YLPM1: variants seen among roughly 807,000 people sequenced by gnomAD.
The protein encoded by YLPM1 is YLP motif-containing protein 1.
A neutral mutation model predicts 230.0 loss-of-function variants in YLPM1; 99 were observed. The observed-to-expected ratio is 0.43, with a 90% CI of 0.37 to 0.51. The LOEUF (loss-of-function observed/expected upper bound fraction) is 0.51. YLPM1 is among the 20% of genes least tolerant of loss of function. YLPM1 has a pLI of 0.00. For missense variants in YLPM1, 2,592 were observed against 2,707.7 expected, an observed-to-expected ratio of 0.96 and a Z score of 0.95; for synonymous variants, 984 against 942.5, an observed-to-expected ratio of 1.04 and a Z score of -0.81.
intron 19 of YLPM1, among the ~76,000 whole-genome samples, chr14:74,830,186 A>G (rs1179087296): frequency 6.6e-6 from 1 of 152,224 alleles, no homozygotes; most frequent in East Asian, 1.9e-4. Context: ...GTTTGTCATC[A>G]GTCTACAGTG....
At position 74,781,710 on chromosome 14, in the gene YLPM1, C is replaced by A; in HGVS notation, c.1667C>A (p.Pro556Gln). 1 of 1,612,834 alleles carries A rather than the reference C, an allele frequency of 6.2e-7. No individual in the cohort carries two copies. Among genetic ancestry groups the A allele is most frequent in the African/African-American group, 1.3e-5 (1 of 74,586 alleles). The change falls in exon 4 of 21, where the codon CCA (proline) becomes CAA (glutamine). Residue 556 changes from proline to glutamine, a missense_variant. Physicochemically the swap from Pro to Gln is moderately conservative, Grantham distance 76. This residue lies in a region of YLPM1 where 1,862 missense variants were observed against 1,819.8 expected (regional missense o/e 1.02). Coordinates refer to ENST00000325680, the MANE Select transcript of YLPM1 (RefSeq NM_019589.3). Reference protein sequence around the residue: ...VMPPALPATVPPPGMPPPVMP... With the variant: ...VMPPALPATVQPPGMPPPVMP... ...CCCCCTGCCCTCCCTGCTACAGTGC[C>A]ACCACCTGGCATGCCCCCACCTGTT... is the stretch of plus-strand genomic sequence containing the variant.
rs781095594 is a variant in YLPM1 at position 74,799,051 on chromosome 14, C to G, written c.3754C>G (p.Pro1252Ala). 1 of 1,613,952 alleles carries G rather than the reference C, an allele frequency of 6.2e-7. No homozygotes were observed. Among genetic ancestry groups the G allele is most frequent in the Non-Finnish European group, 8.5e-7 (1 of 1,179,876 alleles). Reference sequence around the variant, plus strand: ...CAGAGAGGACAGGTTCTCAGCACCACCATCTCGGTCTCATGATGGAGATAG... The same window carrying G: ...CAGAGAGGACAGGTTCTCAGCACCAGCATCTCGGTCTCATGATGGAGATAG... ...YNREDRFSAP[P>A]SRSHDGDRRG... Residue 1252 changes from proline to alanine, a missense_variant, in exon 5 of 21, where the codon CCA becomes GCA. This residue lies in a region of YLPM1 where 1,862 missense variants were observed against 1,819.8 expected (regional missense o/e 1.02). Transcript: ENST00000325680.
chr14:74,798,230 C>T lies in YLPM1; in HGVS notation c.2933C>T (p.Ala978Val), dbSNP rs1341751636. 6.2e-7 allele frequency: 1 copy of T among 1,613,804 alleles called. No individual in the cohort carries two copies. The highest frequency in any genetic ancestry group is 8.5e-7 in the Non-Finnish European group (1 of 1,179,896). ...GCAGTAGCAACATCATCATTAACAG[C>T]AGATAATGATTTTAAACCTGTGGGT... ...GTAVATSSLTADNDFKPVGIG... is the reference protein window; with the variant it reads ...GTAVATSSLTVDNDFKPVGIG... The change falls in exon 5 of 21, where the codon GCA becomes GTA. Residue 978 changes from alanine (A) to valine (V), a missense_variant. Transcript: ENST00000325680.
intron 19 of YLPM1, 82 bp from the exon 20 acceptor site, chr14:74,835,183 C>T: frequency 3.3e-6 from 5 of 1,522,908 alleles, no homozygotes; most frequent in Middle Eastern, 1.8e-4. Flanking sequence ...GTCATTCTAC[C>T]CCTTAGACTG....
intron 11 of YLPM1, 137 bp downstream of exon 11, chr14:74,812,919 C>G (rs1379966033): frequency 1.7e-6 from 2 of 1,170,950 alleles, no homozygotes; most frequent in East Asian, 5.3e-5. Context: ...ATCTCTAAAT[C>G]ACCATATAAT....
chr14:74,767,313 G>A (rs1230503588), intron 1 of YLPM1, among the ~76,000 whole-genome samples: 1 of 152,098 alleles, frequency 6.6e-6, no homozygotes, highest in African/African-American at 2.4e-5. Context: ...ATAATTCTTT[G>A]ATACCATCCA....
At chr14:74,806,064 A>G (rs1392095228) in intron 6 of YLPM1, among the ~76,000 whole-genome samples, 1 of 150,108 alleles carries the variant, frequency 6.7e-6, no homozygotes, top group Non-Finnish European at 1.5e-5. Context: ...TCTCTATAAT[A>G]GTTGTATAAT....
In YLPM1 at chr14:74,834,605, A is replaced by G. The variant is rs1030529235; in HGVS notation, c.6295-660A>G. On this transcript the variant is annotated intron_variant, in intron 19 of 20. Coordinates refer to ENST00000325680, the MANE Select transcript of YLPM1 (RefSeq NM_019589.3). ...GGAAAAAGGGGTAAGTCAGGGAAGG[A>G]TGACTAGACTCATGCCAAGTGGATA... 3.9e-5 allele frequency among the ~76,000 whole-genome samples: 6 copies of G among 152,234 alleles called. No individual in the cohort carries two copies. The South Asian group carries it at 1.2e-3, about 31-fold the overall frequency.
chr14:74,835,990 T>G lies in YLPM1; in HGVS notation c.*252T>G. 7 of 434,674 alleles carry G rather than the reference T, an allele frequency of 1.6e-5. No homozygotes were observed. Among genetic ancestry groups the G allele is most frequent in the South Asian group, 1.2e-4 (7 of 60,662 alleles). 26.9% of individuals were successfully genotyped at this position (434,674 alleles called of 1,614,324 possible). ...GGGAGGGAGGGAGTGATAGCTTAAC[T>G]GCTGAAGCCAGGCGGGGGTCTGCTG... On this transcript the variant is annotated 3_prime_UTR_variant, in exon 21 of 21. Transcript: ENST00000325680.
rs775886566 is a variant in YLPM1 at position 74,781,911 on chromosome 14, C to T, written c.1868C>T (p.Pro623Leu). The T allele has an allele frequency of 1.9e-6, 3 of 1,613,866 alleles. No individual in the cohort carries two copies. In the East Asian group the frequency reaches 6.7e-5, roughly 36 times the overall value. ...CCTCCACCTGTCATGCCCCTCCCAC[C>T]ATTGTCTTCAGCTACACCTCCTCCA... ...TAPPPVMPLP[P>L]LSSATPPPGI... Residue 623 changes from proline (P) to leucine (L), a missense_variant, in exon 4 of 21, where the codon CCA becomes CTA. By Grantham distance (98) the Pro-to-Leu change is moderately conservative. Transcript: ENST00000325680.
Position 74,778,438 on chromosome 14 carries a change from CT to C in YLPM1, c.874-8del. 5 of 1,580,914 alleles carry C rather than the reference CT, an allele frequency of 3.2e-6. No individual in the cohort carries two copies. Among genetic ancestry groups the C allele is most frequent in the Non-Finnish European group, 4.3e-6 (5 of 1,163,482 alleles). On this transcript the variant is annotated splice_region_variant and splice_polypyrimidine_tract_variant and intron_variant, in intron 1 of 20. Transcript: ENST00000325680. ...CAATCAAAATTCTCAAAAATTGTTT[CT>C]GTTGTAGGAACAGCAGCAGTATTGG...
chr14:74,810,527 A>G (rs975330543), intron 9 of YLPM1, 107 bp downstream of exon 9: 33 of 1,194,530 alleles, frequency 2.8e-5, no homozygotes, highest in Non-Finnish European at 3.7e-5. Flanking sequence ...GCATGTGTAT[A>G]TGTAATTTGG....
intron 1 of YLPM1, among the ~76,000 whole-genome samples, chr14:74,769,100 G>C (rs1308353561): frequency 6.7e-6 from 1 of 150,198 alleles, no homozygotes; most frequent in African/African-American, 2.4e-5. Flanking sequence ...TTTTGAGATG[G>C]AGTCTCGCTC....
intron 2 of YLPM1, 80 bp from the exon 3 acceptor site, chr14:74,780,325 G>A: frequency 1.3e-6 from 2 of 1,493,398 alleles, no homozygotes; most frequent in Non-Finnish European, 1.8e-6. Flanking sequence ...TAGGGATTCT[G>A]GACTTTATAA....
At chr14:74,779,575 G>A (rs1437945674) in intron 2 of YLPM1, among the ~76,000 whole-genome samples, 1 of 151,700 alleles carries the variant, frequency 6.6e-6, no homozygotes. Flanking sequence ...GTAGTCCATT[G>A]GTGAAAAGTG....
intron 1 of YLPM1, among the ~76,000 whole-genome samples, chr14:74,777,627 CTT>C (rs1434850965): frequency 6.6e-6 from 1 of 151,608 alleles, no homozygotes; most frequent in African/African-American, 2.4e-5. Context: ...AGCATATTCT[CTT>C]ATATGTGTGT....
chr14:74,815,007 A>C (rs891385409), intron 11 of YLPM1, among the ~76,000 whole-genome samples: 1 of 152,188 alleles, frequency 6.6e-6, no homozygotes, highest in Non-Finnish European at 1.5e-5. Flanking sequence ...TTGTTGGCAT[A>C]CAATTGTTCA....
At chr14:74,773,194 A>C (rs549339210) in intron 1 of YLPM1, among the ~76,000 whole-genome samples, 1 of 152,348 alleles carries the variant, frequency 6.6e-6, no homozygotes, top group Admixed American at 6.5e-5. Context: ...AGGCTGAGGC[A>C]GGAGAATGGC....
chr14:74,763,507 C>T lies in YLPM1; in HGVS notation c.18C>T (p.Gly6=), dbSNP rs1297230245. The T allele has an allele frequency of 6.7e-7, 1 of 1,495,210 alleles. No homozygotes were observed. Among genetic ancestry groups the T allele is most frequent in the Non-Finnish European group, 8.9e-7 (1 of 1,119,168 alleles). The allele number at this position is 1,495,210 out of a possible 1,614,324, so 92.6% of individuals were successfully genotyped here. A position where few individuals can be genotyped will look rare whatever the true frequency, so the allele number is the denominator to read the frequency against. MYPNW[G]RYGGSSHYPP... ...TTTTCGATATGTACCCGAATTGGGG[C>T]CGGTATGGCGGGAGCAGCCACTATC... Residue 6 remains glycine, a synonymous_variant, in exon 1 of 21, where the codon GGC becomes GGT. Coordinates refer to ENST00000325680, the MANE Select transcript of YLPM1 (RefSeq NM_019589.3).
Sources: gnomAD v4.1 joint callset for allele counts (sites outside exome capture counted in the v4.1 genomes callset) on GRCh38, gnomAD v4.1.1 for gene constraint, gnomAD v4.1.1 regional missense constraint, MANE v1.5 for transcripts, NCBI Gene and HGNC (gene_info 2026-07-23, HGNC 2026-07-21) for gene names.